The following WWOX variants were observed in gnomAD, a reference collection of about 807,000 sequenced individuals.
The protein encoded by WWOX is WW domain containing oxidoreductase.
In WWOX, 69 loss-of-function variants were observed where a neutral mutation model predicts 46.2. The ratio of observed to expected loss-of-function variants is 1.49; its 90% confidence interval spans 1.23 to 1.82. WWOX has a LOEUF of 1.82. WWOX is among the 40% of genes most tolerant of loss of function. The pLI, the probability that WWOX is intolerant of heterozygous loss-of-function variation, is 0.00. For missense variants in WWOX, 919 were observed against 542.6 expected, an observed-to-expected ratio of 1.69 and a Z score of -6.89; for synonymous variants, 359 against 202.6, an observed-to-expected ratio of 1.77 and a Z score of -6.56.
intron 8 of WWOX, among the ~76,000 whole-genome samples, chr16:78,876,506 A>G (rs1465802652): frequency 6.6e-6 from 1 of 150,824 alleles, no homozygotes; most frequent in East Asian, 2.0e-4. Flanking sequence ...CAAGGGTAAG[A>G]TCTGCTGTCT....
At chr16:78,921,814 G>C (rs1413844135) in intron 8 of WWOX, among the ~76,000 whole-genome samples, 3 of 152,234 alleles carry the variant, frequency 2.0e-5, no homozygotes, top group African/African-American at 4.8e-5. Context: ...CCCACTGCAA[G>C]TTTGAGGTGG....
At chr16:78,445,177 ATTC>A (rs2083532030) in intron 8 of WWOX, among the ~76,000 whole-genome samples, 1 of 152,146 alleles carries the variant, frequency 6.6e-6, no homozygotes, top group Non-Finnish European at 1.5e-5. Flanking sequence ...TAGAGTCTGG[ATTC>A]TTTTTATCCA....
At chr16:78,579,600 G>A (rs531341139) in intron 8 of WWOX, among the ~76,000 whole-genome samples, 3 of 152,266 alleles carry the variant, frequency 2.0e-5, no homozygotes, top group Admixed American at 2.0e-4. Flanking sequence ...ACAGAAGCCA[G>A]GAAACTCCTG....
intron 8 of WWOX, among the ~76,000 whole-genome samples, chr16:78,696,918 G>A (rs984517042): frequency 6.6e-6 from 1 of 152,126 alleles, no homozygotes; most frequent in Admixed American, 6.6e-5. Context: ...CACAGTGCTT[G>A]GTTTTCCATT....
chr16:78,618,444 T>C (rs1404823633), intron 8 of WWOX, among the ~76,000 whole-genome samples: 2 of 152,186 alleles, frequency 1.3e-5, no homozygotes, highest in Admixed American at 1.3e-4. Context: ...TGTCTTCACA[T>C]GGTCTTCCCT....
chr16:78,436,946 C>G (rs182516608), intron 8 of WWOX, among the ~76,000 whole-genome samples: 197 of 152,304 alleles, frequency 1.3e-3, no homozygotes, highest in African/African-American at 4.4e-3. Context: ...CCATTTCTTC[C>G]GTAGGTAAAG....
rs78707979 is a variant in WWOX at position 78,427,093 on chromosome 16, A to C, written c.791+2038A>C. 8.6e-3 allele frequency among the ~76,000 whole-genome samples: 1,306 copies of C among 152,306 alleles called. 19 individuals carry two copies. Among genetic ancestry groups the C allele is most frequent in the African/African-American group, 0.029 (1,185 of 41,556 alleles). On this transcript the variant is annotated intron_variant, in intron 7 of 8. Coordinates refer to ENST00000566780, the MANE Select transcript of WWOX (RefSeq NM_016373.4). ...GACTTGGTGCGTAGGTGGTACGTGA[A>C]GACAGTTGCTCACTACCCAAGAACT...
At chr16:78,996,095 C>G (rs575079807) in intron 8 of WWOX, 2 of 569,434 alleles carry the variant, frequency 3.5e-6, no homozygotes, top group Non-Finnish European at 2.2e-6. Flanking sequence ...AAAATGAAAT[C>G]AGAACGTGGC....
At chr16:78,765,461 C>G (rs938689723) in intron 8 of WWOX, among the ~76,000 whole-genome samples, 23 of 152,160 alleles carry the variant, frequency 1.5e-4, no homozygotes, top group African/African-American at 5.1e-4. Flanking sequence ...GGTGGACCAC[C>G]TGAGGTCAGG....
chr16:78,803,968 G>A (rs1033284406), intron 8 of WWOX, among the ~76,000 whole-genome samples: 6 of 152,100 alleles, frequency 3.9e-5, no homozygotes, highest in African/African-American at 1.2e-4. Context: ...AAGAAGGAAG[G>A]CGCCCCTCCT....
At chr16:78,470,618 C>A (rs2667549) in intron 8 of WWOX, among the ~76,000 whole-genome samples, 1 of 152,104 alleles carries the variant, frequency 6.6e-6, no homozygotes, top group African/African-American at 2.4e-5. Context: ...AAACCTCCTC[C>A]TCCTGGATTC....
At chr16:78,883,799 C>T (rs1323341240) in intron 8 of WWOX, among the ~76,000 whole-genome samples, 5 of 151,692 alleles carry the variant, frequency 3.3e-5, no homozygotes, top group African/African-American at 7.3e-5. Context: ...AGGGGAAAGA[C>T]AATAAACAGC....
chr16:78,527,296 CTTT>C (rs368608216), intron 8 of WWOX, among the ~76,000 whole-genome samples: 1 of 138,640 alleles, frequency 7.2e-6, no homozygotes. Flanking sequence ...TTTTTTCTTT[CTTT>C]TTTTTTTTTT....
chr16:79,052,843 C>T (rs2048194432), intron 8 of WWOX, among the ~76,000 whole-genome samples: 1 of 152,072 alleles, frequency 6.6e-6, no homozygotes, highest in Non-Finnish European at 1.5e-5. Context: ...GCATTTCTAA[C>T]AATCATATTG....
chr16:78,398,465 G>C (rs747331672), intron 6 of WWOX, among the ~76,000 whole-genome samples: 16 of 152,158 alleles, frequency 1.1e-4, no homozygotes, highest in Non-Finnish European at 1.8e-4. Flanking sequence ...AACCAAGCTG[G>C]ATTCATGGAT....
intron 8 of WWOX, among the ~76,000 whole-genome samples, chr16:79,044,646 CT>C (rs2048033202): frequency 1.3e-5 from 2 of 152,206 alleles, no homozygotes. Context: ...AATTAAACCT[CT>C]TTTCTTTATA....
chr16:78,851,215 C>G (rs1296416807), intron 8 of WWOX, among the ~76,000 whole-genome samples: 1 of 152,176 alleles, frequency 6.6e-6, no homozygotes, highest in African/African-American at 2.4e-5. Flanking sequence ...CTGTTAGGTA[C>G]AGACTCTACA....
intron 8 of WWOX, among the ~76,000 whole-genome samples, chr16:78,476,492 AT>A (rs760035990): frequency 4.4e-4 from 67 of 152,274 alleles, no homozygotes; most frequent in Non-Finnish European, 7.9e-4. Context: ...GCATTAGGAG[AT>A]ATACCTAATG....
intron 8 of WWOX, among the ~76,000 whole-genome samples, chr16:79,135,313 C>G (rs1444633029): frequency 2.6e-5 from 4 of 152,116 alleles, no homozygotes; most frequent in African/African-American, 7.2e-5. Context: ...ATACATTGTT[C>G]TATACCTTTC....
Sources: allele counts gnomAD v4.1 joint callset (sites outside exome capture counted in the v4.1 genomes callset), GRCh38; gene constraint gnomAD v4.1.1; transcripts MANE v1.5; gene names NCBI Gene and HGNC (gene_info 2026-07-23, HGNC 2026-07-21).